ANKRD28: variants seen among roughly 807,000 people sequenced by gnomAD.
ANKRD28 encodes the protein serine/threonine-protein phosphatase 6 regulatory ankyrin repeat subunit A.
Under a neutral mutation model 126.5 loss-of-function variants are expected in ANKRD28, and 44 were observed. The observed-to-expected ratio is 0.35, with a 90% CI of 0.27 to 0.45. The LOEUF is 0.45. Among genes scored for constraint, ANKRD28 ranks in the 20% least tolerant of loss-of-function variants. The pLI is 1.00. For synonymous variants in ANKRD28, 442 were observed against 468.5 expected (o/e 0.94, Z 0.73); for missense variants, 1,110 against 1,316.6 (o/e 0.84, Z 2.43).
At chr3:15,730,431 G>A (rs547256131) in intron 6 of ANKRD28, among the ~76,000 whole-genome samples, 1 of 152,262 alleles carries the variant, frequency 6.6e-6, no homozygotes, top group Non-Finnish European at 1.5e-5. Context: ...GGAAATTAAC[G>A]GAGCCTCAAC....
chr3:15,695,317 C>T, intron 15 of ANKRD28, 103 bp from the exon 16 acceptor site: 1 of 800,800 alleles, frequency 1.2e-6, no homozygotes, highest in South Asian at 1.7e-5. Flanking sequence ...TAAACCCGTG[C>T]TTCCTTTGGC....
chr3:15,706,540 C>T (rs1281934838), intron 14 of ANKRD28, among the ~76,000 whole-genome samples: 6 of 152,118 alleles, frequency 3.9e-5, no homozygotes, highest in African/African-American at 1.2e-4. Flanking sequence ...AATAGTGTCA[C>T]AATAAACATA....
At chr3:15,759,077 T>C (rs749104660) in intron 3 of ANKRD28, among the ~76,000 whole-genome samples, 8 of 152,172 alleles carry the variant, frequency 5.3e-5, no homozygotes, top group African/African-American at 7.2e-5. Context: ...CAGCAAATAG[T>C]CTTTAAAAGT....
intron 8 of ANKRD28, among the ~76,000 whole-genome samples, chr3:15,720,497 T>C (rs1299656366): frequency 2.0e-5 from 3 of 152,210 alleles, no homozygotes; most frequent in Admixed American, 2.0e-4. Flanking sequence ...GTATTTTCCT[T>C]CTAAGAGAAA....
chr3:15,831,346 T>C (rs974904287), intron 1 of ANKRD28, among the ~76,000 whole-genome samples: 5 of 152,176 alleles, frequency 3.3e-5, no homozygotes, highest in African/African-American at 1.2e-4. Flanking sequence ...CAGATCCAAA[T>C]TGCACTGCCA....
chr3:15,742,981 C>G (rs1178211736), intron 4 of ANKRD28, among the ~76,000 whole-genome samples: 1 of 151,850 alleles, frequency 6.6e-6, no homozygotes, highest in African/African-American at 2.4e-5. Context: ...GTTGCCATGT[C>G]TGTGTAGAAA....
chr3:15,823,655 T>C (rs939503122), intron 1 of ANKRD28, among the ~76,000 whole-genome samples: 38 of 152,324 alleles, frequency 2.5e-4, no homozygotes, highest in African/African-American at 8.4e-4. Context: ...CTTATGATTA[T>C]GTAAAAATTT....
chr3:15,797,209 C>CA lies in ANKRD28; in HGVS notation c.-689dup, dbSNP rs5846878. The CA allele has an allele frequency of 8.6e-3, 7,549 of 875,500 alleles. No homozygotes were observed. Among genetic ancestry groups the CA allele is most frequent in the Middle Eastern group, 0.012 (20 of 1,628 alleles). The allele number at this position is 875,500 out of a possible 1,614,324, so 54.2% of individuals were successfully genotyped here. On this transcript the variant is annotated 5_prime_UTR_variant, in exon 1 of 28. It removes the in-frame stop codon of an upstream open reading frame in the 5' UTR. Transcript: ENST00000683139. Reference sequence around the variant, plus strand: ...TTGGGAAAGGGGCAAAAAACAAAAACAAAAAAAAAAAAACCACTCTGCATT... The same window carrying CA: ...TTGGGAAAGGGGCAAAAAACAAAAACAAAAAAAAAAAAAACCACTCTGCATT...
intron 6 of ANKRD28, among the ~76,000 whole-genome samples, chr3:15,726,925 C>T (rs1200056961): frequency 6.6e-6 from 1 of 152,182 alleles, no homozygotes; most frequent in Non-Finnish European, 1.5e-5. Flanking sequence ...TGCCTATGCT[C>T]TAAAATGGAA....
chr3:15,847,051 C>T (rs2061545902), intron 1 of ANKRD28, among the ~76,000 whole-genome samples: 1 of 152,114 alleles, frequency 6.6e-6, no homozygotes, highest in African/African-American at 2.4e-5. Context: ...TTTTAAGACA[C>T]AGATTCTGGG....
chr3:15,711,239 T>C lies in ANKRD28; in HGVS notation c.1309A>G (p.Thr437Ala). 1 of 1,612,824 alleles carries C rather than the reference T, an allele frequency of 6.2e-7. No individual in the cohort carries two copies. The highest frequency in any genetic ancestry group is 1.1e-5 in the South Asian group (1 of 90,946). The change falls in exon 12 of 28, where the codon ACT becomes GCT. Residue 437 changes from threonine (T) to alanine (A), a missense_variant. Coordinates refer to ENST00000683139, the MANE Select transcript of ANKRD28 (RefSeq NM_001349278.2). ...CCAGCTGCAGCTGCATGTAGACAAG[T>C]CCTGCCAAAATCATCTGGGGTATCT... ...DIDTPDDFGRTCLHAAAAGGN... is the reference protein window; with the variant it reads ...DIDTPDDFGRACLHAAAAGGN...
chr3:15,727,887 G>A (rs950073073), intron 6 of ANKRD28, among the ~76,000 whole-genome samples: 1 of 152,220 alleles, frequency 6.6e-6, no homozygotes, highest in Non-Finnish European at 1.5e-5. Flanking sequence ...CAAAGATGCT[G>A]TGAATGTTGT....
At chr3:15,736,649 AAAGTATTATCTTGACTAAATGTT>A (rs1208834720) in intron 5 of ANKRD28, among the ~76,000 whole-genome samples, 1 of 152,260 alleles carries the variant, frequency 6.6e-6, no homozygotes, top group East Asian at 1.9e-4. Context: ...TTCTGTCACT[AAAGTATTATCTTGACTAAATGTT>A]AATAAACTAC....
At position 15,815,897 on chromosome 3, in the gene ANKRD28, C is replaced by A. The variant is rs1396146864; in HGVS notation, c.28-20591G>T. On this transcript the variant is annotated intron_variant, in intron 1 of 27. Coordinates refer to the ANKRD28 transcript ENST00000399451. The surrounding 1 kb of genome is among the most constrained non-coding windows in gnomAD (Gnocchi z 4.1). ...GAATTAGTCTGCCATATGGTGGCAG[C>A]AAATACCAAAGAAAATTAATTTCTT... is the stretch of plus-strand genomic sequence containing the variant. Among the ~76,000 whole-genome samples the A allele has an allele frequency of 6.6e-6, 1 of 152,126 alleles. No homozygotes were observed. Among genetic ancestry groups the A allele is most frequent in the Non-Finnish European group, 1.5e-5 (1 of 68,002 alleles).
chr3:15,703,429 T>C (rs964161067), intron 14 of ANKRD28, among the ~76,000 whole-genome samples: 9 of 152,188 alleles, frequency 5.9e-5, no homozygotes, highest in African/African-American at 2.2e-4. Flanking sequence ...AGGAGGTGAT[T>C]AGGTCAAGAG....
In ANKRD28 at chr3:15,814,205, A is replaced by G. The variant is rs1222605406; in HGVS notation, c.28-18899T>C. ...AACTAACAAATTACAAGAGCTGCCTATATTACTGCAAGAGACTACTAGAAA... is the reference window on the plus strand; with the variant it reads ...AACTAACAAATTACAAGAGCTGCCTGTATTACTGCAAGAGACTACTAGAAA... On this transcript the variant is annotated intron_variant, in intron 1 of 27. Coordinates refer to the ANKRD28 transcript ENST00000399451. This position sits in a 1 kb window ranked among gnomAD's most constrained non-coding sequence, Gnocchi z 4.7. 25 of 1,140,080 alleles carry G rather than the reference A, an allele frequency of 2.2e-5. No homozygotes were observed. Among genetic ancestry groups the G allele is most frequent in the Non-Finnish European group, 2.3e-5 (21 of 895,154 alleles). The allele number at this position is 1,140,080 out of a possible 1,614,324, so 70.6% of individuals were successfully genotyped here. A position where few individuals can be genotyped will look rare whatever the true frequency, so the allele number is the denominator to read the frequency against.
At chr3:15,836,605 A>G (rs1261172909) in intron 1 of ANKRD28, among the ~76,000 whole-genome samples, 1 of 152,236 alleles carries the variant, frequency 6.6e-6, no homozygotes, top group Non-Finnish European at 1.5e-5. Context: ...CAAAGACACA[A>G]GCAGGCTGAA....
intron 3 of ANKRD28, among the ~76,000 whole-genome samples, chr3:15,754,115 CT>C (rs2058029742): frequency 6.6e-6 from 1 of 152,182 alleles, no homozygotes; most frequent in South Asian, 2.1e-4. Context: ...CCTTGTTTCA[CT>C]TTTCACAGCT....
intron 21 of ANKRD28, chr3:15,683,623 A>G (rs2067777244): frequency 6.6e-6 from 1 of 152,224 alleles, no homozygotes; most frequent in Admixed American, 6.5e-5. Context: ...GCTGAAGGAT[A>G]ACCAACAGTA....
Sources: gnomAD v4.1 joint callset for allele counts (sites outside exome capture counted in the v4.1 genomes callset) on GRCh38, gnomAD v4.1.1 for gene constraint, Gnocchi (gnomAD v3.1) non-coding constraint, MANE v1.5 for transcripts, NCBI Gene and HGNC (gene_info 2026-07-23, HGNC 2026-07-21) for gene names.